Variants in TRIM29 observed in about 807,000 individuals in gnomAD.
TRIM29 encodes the protein tripartite motif containing 29.
Under a neutral mutation model 57.3 loss-of-function variants are expected in TRIM29, and 52 were observed. The ratio of observed to expected loss-of-function variants is 0.91; its 90% CI spans 0.73 to 1.14. The LOEUF (loss-of-function observed/expected upper bound fraction) is 1.14. Ranked by LOEUF, TRIM29 falls within the 50% of genes most tolerant of loss-of-function variation. The probability of loss-of-function intolerance (pLI) is 0.00; values close to 1 mark genes in which losing one functional copy is unlikely to be tolerated. For missense variants in TRIM29, 753 were observed against 774.6 expected (o/e 0.97, Z 0.33); for synonymous variants, 319 against 316.9 (o/e 1.01, Z -0.07).
intron 1 of TRIM29, among the ~76,000 whole-genome samples, chr11:120,136,625 G>A (rs916291034): frequency 3.3e-5 from 5 of 152,116 alleles, no homozygotes; most frequent in Non-Finnish European, 7.3e-5. Flanking sequence ...CTGGGGATCA[G>A]CTAGAACAAG....
chr11:120,136,249 A>G (rs1334580555), intron 1 of TRIM29, among the ~76,000 whole-genome samples: 1 of 152,188 alleles, frequency 6.6e-6, no homozygotes, highest in Non-Finnish European at 1.5e-5. Flanking sequence ...TAGGTCAAAA[A>G]TGCTTTTAAT....
intron 5 of TRIM29, chr11:120,122,037 C>T (rs1177624952): frequency 4.6e-6 from 2 of 438,390 alleles, no homozygotes; most frequent in Non-Finnish European, 9.2e-6. Context: ...CCAAGAAGCC[C>T]AGGGGTTGTT....
intron 5 of TRIM29, chr11:120,122,120 TTG>T (rs1407082874): frequency 3.1e-6 from 1 of 321,718 alleles, no homozygotes; most frequent in Non-Finnish European, 6.2e-6. Flanking sequence ...GCCTCTCCCA[TTG>T]TGTGTGTGAG....
In TRIM29 at chr11:120,138,059, G is replaced by A. The variant is rs748628832; in HGVS notation, c.-28C>T. ...CAGGGTGCTTGGCTGAGCTGTTTCA[G>A]GCTTGCTGGGGTTCAGGATAGGTGA... On this transcript the variant is annotated 5_prime_UTR_variant, in exon 1 of 9. Transcript: ENST00000341846. The A allele has an allele frequency of 2.6e-6, 4 of 1,559,306 alleles. No homozygotes were observed. In the East Asian group the frequency reaches 9.1e-5, roughly 35 times the overall value.
chr11:120,117,174 G>C (rs1863292983), intron 7 of TRIM29: 2 of 254,184 alleles, frequency 7.9e-6, no homozygotes, highest in African/African-American at 2.3e-5. Flanking sequence ...CACCTCCCCT[G>C]CCAGGTGCTC....
intron 8 of TRIM29, among the ~76,000 whole-genome samples, chr11:120,114,039 T>C (rs571868190): frequency 1.3e-5 from 2 of 152,178 alleles, no homozygotes; most frequent in Non-Finnish European, 2.9e-5. Context: ...TTTTTCCTCA[T>C]GCAAAGTCAC....
In TRIM29 at chr11:120,120,642, G is replaced by A; in HGVS notation, c.1459C>T (p.Pro487Ser). ...TTGGTGAAGCGGCCAGGAGACGAGGGCTGGTATGATGTCCGGACCCCACCT... is the reference window on the plus strand; with the variant it reads ...TTGGTGAAGCGGCCAGGAGACGAGGACTGGTATGATGTCCGGACCCCACCT... ...PKGGVRTSYQPSSPGRFTKET... is the reference protein window; with the variant it reads ...PKGGVRTSYQSSSPGRFTKET... Residue 487 changes from proline to serine, a missense_variant, in exon 6 of 9, where the codon CCC becomes TCC. Physicochemically the swap from Pro to Ser is moderately conservative, Grantham distance 74. Coordinates refer to ENST00000341846, the MANE Select transcript of TRIM29 (RefSeq NM_012101.4). 6.2e-7 allele frequency: 1 copy of A among 1,613,848 alleles called. No homozygotes were observed. The highest frequency in any genetic ancestry group is 1.1e-5 in the South Asian group (1 of 91,012).
At chr11:120,116,985 C>A (rs766255238) in intron 7 of TRIM29, 1 of 439,186 alleles carries the variant, frequency 2.3e-6, no homozygotes, top group Non-Finnish European at 4.5e-6. Context: ...CAGCCCACTG[C>A]GACCCAGTGG....
Position 120,137,407 on chromosome 11 carries a change from G to C in TRIM29, c.625C>G (p.Arg209Gly). 1 of 1,611,144 alleles carries C rather than the reference G, an allele frequency of 6.2e-7. No individual in the cohort carries two copies. The highest frequency in any genetic ancestry group is 8.5e-7 in the Non-Finnish European group (1 of 1,180,000). The change falls in exon 1 of 9, where the codon CGA (arginine) becomes GGA (glycine). Residue 209 changes from arginine (R) to glycine (G), a missense_variant. Physicochemically the swap from Arg to Gly is moderately radical, Grantham distance 125 (BLOSUM62 -2). Transcript: ENST00000341846. The surrounding 1 kb of genome is among the most constrained non-coding windows in gnomAD (Gnocchi z 6.2). Reference protein sequence around the residue: ...LKPHLEGAAFRDHQLLEPIRD... With the variant: ...LKPHLEGAAFGDHQLLEPIRD... ...ATGGGCTCGAGCAGCTGGTGGTCTC[G>C]GAAGGCGGCGCCCTCCAGGTGGGGC...
rs73575932 is a variant in TRIM29 at position 120,134,781 on chromosome 11, G to C, written c.804+2447C>G. Among the ~76,000 whole-genome samples the C allele has an allele frequency of 3.8e-3, 583 of 152,330 alleles. 6 individuals are homozygous for C. The highest frequency in any genetic ancestry group is 0.013 in the African/African-American group (543 of 41,574). On this transcript the variant is annotated intron_variant, in intron 1 of 8. Transcript: ENST00000341846. ...TGAGGCACTCTCAAACACTGGAAGA[G>C]GGCTTAGGGGGCTTCCTCCTCAAAC... is the stretch of plus-strand genomic sequence containing the variant.
At chr11:120,115,848 G>T (rs1462497897) in intron 7 of TRIM29, 2 of 184,358 alleles carry the variant, frequency 1.1e-5, no homozygotes, top group African/African-American at 2.4e-5. Flanking sequence ...CCCCTGTGCT[G>T]TTTGGACGAT....
chr11:120,123,612 G>A (rs1253308580), intron 4 of TRIM29, among the ~76,000 whole-genome samples: 1 of 152,160 alleles, frequency 6.6e-6, no homozygotes, highest in African/African-American at 2.4e-5. Context: ...GCTATGGCAG[G>A]GGCCACTCAA....
intron 6 of TRIM29, among the ~76,000 whole-genome samples, chr11:120,119,677 A>G (rs1175379906): frequency 6.6e-6 from 1 of 152,108 alleles, no homozygotes; most frequent in African/African-American, 2.4e-5. Context: ...TGTGAATCCA[A>G]TTCTGGATGT....
intron 1 of TRIM29, among the ~76,000 whole-genome samples, chr11:120,133,041 G>A (rs1165235344): frequency 2.0e-5 from 3 of 152,156 alleles, no homozygotes; most frequent in Non-Finnish European, 4.4e-5. Flanking sequence ...GGGGACGCAG[G>A]CACAGTGGGA....
intron 8 of TRIM29, among the ~76,000 whole-genome samples, chr11:120,115,125 G>A (rs1377490104): frequency 1.3e-5 from 2 of 152,220 alleles, no homozygotes; most frequent in East Asian, 1.9e-4. Context: ...GGTCCAGAGA[G>A]TGTATGCTTA....
intron 1 of TRIM29, among the ~76,000 whole-genome samples, chr11:120,134,204 G>T (rs1222582267): frequency 1.3e-5 from 2 of 152,174 alleles, no homozygotes; most frequent in South Asian, 4.1e-4. Flanking sequence ...GGAAGGTGCT[G>T]TCATGTTGCC....
intron 3 of TRIM29, 135 bp downstream of exon 3, chr11:120,127,201 G>A: frequency 1.4e-6 from 1 of 717,344 alleles, no homozygotes; most frequent in Non-Finnish European, 2.3e-6. Flanking sequence ...TGGATGGTTG[G>A]ATGGCTGGAT....
intron 7 of TRIM29, chr11:120,117,856 G>C (rs528915140): frequency 1.1e-5 from 3 of 271,614 alleles, no homozygotes; most frequent in East Asian, 2.4e-4. Flanking sequence ...GGACCCTAGA[G>C]CCAGCCAACG....
At chr11:120,128,305 T>C (rs1863641676) in intron 2 of TRIM29, 95 bp downstream of exon 2, 5 of 1,009,834 alleles carry the variant, frequency 5.0e-6, no homozygotes, top group Non-Finnish European at 7.5e-6. Context: ...GATGTCTACG[T>C]GGGCCTGGGA....
Sources: gnomAD v4.1 joint callset for allele counts (sites outside exome capture counted in the v4.1 genomes callset) on GRCh38, gnomAD v4.1.1 for gene constraint, Gnocchi (gnomAD v3.1) non-coding constraint, MANE v1.5 for transcripts, NCBI Gene and HGNC (gene_info 2026-07-23, HGNC 2026-07-21) for gene names.